ZNF260: variants seen among roughly 807,000 people sequenced by gnomAD.
ZNF260 encodes the protein zinc finger protein 260.
A neutral mutation model predicts 29.3 loss-of-function variants in ZNF260; 21 were observed. That is an observed-to-expected ratio of 0.72 (90% confidence interval 0.51 to 1.03). The LOEUF is 1.03. ZNF260 is among the 50% of genes least tolerant of loss of function. The probability of loss-of-function intolerance (pLI) is 0.00; values close to 1 mark genes in which losing one functional copy is unlikely to be tolerated. For missense variants in ZNF260, 465 were observed against 487.8 expected (o/e 0.95, Z 0.44); for synonymous variants, 156 against 156.8 (o/e 0.99, Z 0.04).
chr19:36,526,278 C>G (rs538948932), intron 1 of ZNF260, among the ~76,000 whole-genome samples: 1 of 152,122 alleles, frequency 6.6e-6, no homozygotes, highest in African/African-American at 2.4e-5. Context: ...TGGTGGCTCA[C>G]GCCTGTAATC....
In ZNF260 at chr19:36,514,413, A is replaced by T; in HGVS notation, c.826T>A (p.Tyr276Asn). 6.2e-7 allele frequency: 1 copy of T among 1,614,010 alleles called. No homozygotes were observed. Among genetic ancestry groups the T allele is most frequent in the Non-Finnish European group, 8.5e-7 (1 of 1,179,974 alleles). ...ATTGTTCCACATTCATTACATTTGT[A>T]GGGTTTCTCTCCAATATGAATTTTC... ...HEKIHIGEKP[Y>N]KCNECGTIFR... Residue 276 changes from tyrosine (Y) to asparagine (N), a missense_variant, in exon 3 of 3, where the codon TAC becomes AAC. Transcript: ENST00000523638.
At chr19:36,522,193 G>T (rs745317071) in intron 2 of ZNF260, among the ~76,000 whole-genome samples, 117 of 152,192 alleles carry the variant, frequency 7.7e-4, no homozygotes, top group Non-Finnish European at 1.1e-3. Context: ...GGTGGCTCAC[G>T]CCTGTAATCC....
intron 2 of ZNF260, among the ~76,000 whole-genome samples, chr19:36,524,723 G>A (rs1025807091): frequency 2.0e-5 from 3 of 151,836 alleles, no homozygotes; most frequent in Non-Finnish European, 4.4e-5. Flanking sequence ...GACTCTTAAC[G>A]ACATGCTAGT....
intron 1 of ZNF260, among the ~76,000 whole-genome samples, chr19:36,526,426 G>A (rs1333047679): frequency 6.6e-6 from 1 of 152,096 alleles, no homozygotes; most frequent in Non-Finnish European, 1.5e-5. Flanking sequence ...CTGTACCTCA[G>A]CTACTTGGGA....
chr19:36,522,294 G>A (rs979311548), intron 2 of ZNF260, among the ~76,000 whole-genome samples: 1 of 151,076 alleles, frequency 6.6e-6, no homozygotes, highest in Non-Finnish European at 1.5e-5. Flanking sequence ...GTCTCTACTA[G>A]AAATACAAAA....
At chr19:36,521,126 C>T (rs542436528) in intron 2 of ZNF260, among the ~76,000 whole-genome samples, 133 of 151,474 alleles carry the variant, frequency 8.8e-4, no homozygotes, top group Middle Eastern at 3.5e-3. Context: ...GAGCTCTTGC[C>T]CCTTAAAGCC....
rs746837666 is a variant in ZNF260, at chr19:36,513,089, A to G, written c.*911T>C. 3.9e-5 allele frequency: 6 copies of G among 152,222 alleles called. No individual in the cohort carries two copies. The highest frequency in any genetic ancestry group is 7.4e-5 in the Non-Finnish European group (5 of 67,978). The allele number at this position is 152,222 out of a possible 1,614,324, so 9.4% of individuals were successfully genotyped here. A position where few individuals can be genotyped will look rare whatever the true frequency, so the allele number is the denominator to read the frequency against. ...GTTATAATTGTTCCATATTATGTTT[A>G]TTATTGTTTTAAATCTCTTGCTGTG... On this transcript the variant is annotated 3_prime_UTR_variant, in exon 3 of 3. Coordinates refer to ENST00000523638, the MANE Select transcript of ZNF260 (RefSeq NM_001166037.2).
chr19:36,523,567 A>C, intron 2 of ZNF260, among the ~76,000 whole-genome samples: 1 of 151,140 alleles, frequency 6.6e-6, no homozygotes, highest in Non-Finnish European at 1.5e-5. Context: ...TGATAATAAT[A>C]GTATTATTTC....
At position 36,513,500 on chromosome 19, in the gene ZNF260, G is replaced by A. The variant is rs536323100; in HGVS notation, c.*500C>T. ...GATTTCCCCACCAATCTGGGATACC[G>A]CCTCTATCAATTACCAATTCCCCAT... On this transcript the variant is annotated 3_prime_UTR_variant, in exon 3 of 3. Transcript: ENST00000523638. 28 of 366,956 alleles carry A rather than the reference G, an allele frequency of 7.6e-5. No homozygotes were observed. The highest frequency in any genetic ancestry group is 7.3e-4 in the Admixed American group (16 of 22,006). The allele number at this position is 366,956 out of a possible 1,614,324, so 22.7% of individuals were successfully genotyped here.
intron 1 of ZNF260, among the ~76,000 whole-genome samples, chr19:36,527,698 C>T (rs2034758997): frequency 1.3e-5 from 2 of 152,154 alleles, no homozygotes; most frequent in Non-Finnish European, 2.9e-5. Flanking sequence ...AAGTCAATGC[C>T]TACTGGGTGT....
At chr19:36,515,957 T>C (rs1348005578) in intron 2 of ZNF260, among the ~76,000 whole-genome samples, 1 of 151,994 alleles carries the variant, frequency 6.6e-6, no homozygotes, top group African/African-American at 2.4e-5. Flanking sequence ...CCGCAACCTC[T>C]GCCTTCCAGG....
Position 36,515,181 on chromosome 19 carries a change from T to C in ZNF260, c.58A>G (p.Ile20Val), listed in dbSNP as rs1481229333. 6.8e-6 allele frequency: 11 copies of C among 1,611,462 alleles called. No individual in the cohort carries two copies. The highest frequency in any genetic ancestry group is 3.3e-5 in the Admixed American group (2 of 59,804). Residue 20 changes from isoleucine (I) to valine (V), a missense_variant, in exon 3 of 3, where the codon ATT (isoleucine) becomes GTT (valine). By Grantham distance (29) the Ile-to-Val change is conservative. Transcript: ENST00000523638. ...HESDLLQHDQIHTGEKPYECN... is the reference protein window; with the variant it reads ...HESDLLQHDQVHTGEKPYECN... ...TCATAAGGTTTCTCTCCAGTATGAA[T>C]TTGATCATGCTGAAGGAGATCTGAT...
chr19:36,513,796 A>G lies in ZNF260; in HGVS notation c.*204T>C. The stretch of plus-strand genomic sequence containing the variant: ...GTATACTCCTAGAAGTACAGCATTG[A>G]TAATGCTTGTTGTGGGAGTTTTGGG... On this transcript the variant is annotated 3_prime_UTR_variant, in exon 3 of 3. Coordinates refer to ENST00000523638, the MANE Select transcript of ZNF260 (RefSeq NM_001166037.2). 1 of 601,974 alleles carries G rather than the reference A, an allele frequency of 1.7e-6. No individual in the cohort carries two copies. Among genetic ancestry groups the G allele is most frequent in the Non-Finnish European group, 2.9e-6 (1 of 343,786 alleles). The allele number at this position is 601,974 out of a possible 1,614,324, so 37.3% of individuals were successfully genotyped here.
rs140288809 is a variant in ZNF260, at chr19:36,514,551, T to A, written c.688A>T (p.Ile230Phe). 6.2e-7 allele frequency: 1 copy of A among 1,614,084 alleles called. No homozygotes were observed. Reference sequence around the variant, plus strand: ...TGTCTAATGAGGCTTGACTTCTGAATGAAAGCTTTCCCACACCCTTTACAT... The same window carrying A: ...TGTCTAATGAGGCTTGACTTCTGAAAGAAAGCTTTCCCACACCCTTTACAT... Reference protein sequence around the residue: ...YECKGCGKAFIQKSSLIRHQR... With the variant: ...YECKGCGKAFFQKSSLIRHQR... The change falls in exon 3 of 3, where the codon ATT (isoleucine) becomes TTT (phenylalanine). Residue 230 changes from isoleucine (I) to phenylalanine (F), a missense_variant. By Grantham distance (21) the Ile-to-Phe change is conservative (BLOSUM62 0). Coordinates refer to ENST00000523638, the MANE Select transcript of ZNF260 (RefSeq NM_001166037.2).
chr19:36,514,132 A>G lies in ZNF260; in HGVS notation c.1107T>C (p.Phe369=). Residue 369 remains phenylalanine (F), a synonymous_variant, in exon 3 of 3, where the codon TTT becomes TTC. Coordinates refer to ENST00000523638, the MANE Select transcript of ZNF260 (RefSeq NM_001166037.2). The part of the protein sequence containing the change: ...PYGCNECGKA[F]SQFSTLALHM... ...GCAGAGCAAGGGTTGAGAACTGAGA[A>G]AAGGCTTTCCCACATTCATTACAAC... 6.2e-7 allele frequency: 1 copy of G among 1,614,018 alleles called. No homozygotes were observed. Among genetic ancestry groups the G allele is most frequent in the Non-Finnish European group, 8.5e-7 (1 of 1,179,982 alleles).
intron 2 of ZNF260, among the ~76,000 whole-genome samples, chr19:36,520,785 G>A (rs2034631671): frequency 6.6e-6 from 1 of 151,280 alleles, no homozygotes; most frequent in Non-Finnish European, 1.5e-5. Flanking sequence ...ACTTGAACCT[G>A]GGAGGCAGAG....
chr19:36,513,420 G>C lies in ZNF260; in HGVS notation c.*580C>G. The C allele has an allele frequency of 4.3e-6, 1 of 232,654 alleles. No individual in the cohort carries two copies. The highest frequency in any genetic ancestry group is 8.2e-6 in the Non-Finnish European group (1 of 122,074). The allele number at this position is 232,654 out of a possible 1,614,324, so 14.4% of individuals were successfully genotyped here. On this transcript the variant is annotated 3_prime_UTR_variant, in exon 3 of 3. Coordinates refer to ENST00000523638, the MANE Select transcript of ZNF260 (RefSeq NM_001166037.2). ...TCATAAGAAAAATATTTTATATTAT[G>C]ATGGGAGATATTATTTTTCCATATG...
Position 36,512,760 on chromosome 19 carries a change from C to T in ZNF260, c.*1240G>A, listed in dbSNP as rs941941886. 2 of 152,128 alleles carry T rather than the reference C, an allele frequency of 1.3e-5. No individual in the cohort carries two copies. The highest frequency in any genetic ancestry group is 1.3e-4 in the Admixed American group (2 of 15,254). The allele number at this position is 152,128 out of a possible 1,614,324, so 9.4% of individuals were successfully genotyped here. ...TTTGTCACTTAACTGCTAGAGAGTACTCTACTATGTTACTATCACATTTTA... is the reference window on the plus strand; with the variant it reads ...TTTGTCACTTAACTGCTAGAGAGTATTCTACTATGTTACTATCACATTTTA... On this transcript the variant is annotated 3_prime_UTR_variant, in exon 3 of 3. Coordinates refer to ENST00000523638, the MANE Select transcript of ZNF260 (RefSeq NM_001166037.2).
chr19:36,520,076 G>A (rs998697050), intron 2 of ZNF260, among the ~76,000 whole-genome samples: 1 of 151,666 alleles, frequency 6.6e-6, no homozygotes, highest in African/African-American at 2.4e-5. Flanking sequence ...GTGTGCGCCT[G>A]TAATCCCAGC....
Sources: allele counts gnomAD v4.1 joint callset (sites outside exome capture counted in the v4.1 genomes callset), GRCh38; gene constraint gnomAD v4.1.1; transcripts MANE v1.5; gene names NCBI Gene and HGNC (gene_info 2026-07-23, HGNC 2026-07-21).